The following GABRB1 variants were observed in gnomAD, a reference collection of about 807,000 sequenced individuals.
The protein encoded by GABRB1 is gamma-aminobutyric acid receptor subunit beta-1.
Under a neutral mutation model 51.6 loss-of-function variants are expected in GABRB1, and 17 were observed. That is an observed-to-expected ratio of 0.33 (90% confidence interval 0.23 to 0.49). The LOEUF (loss-of-function observed/expected upper bound fraction) is 0.49. Ranked by LOEUF, GABRB1 falls within the 20% of genes least tolerant of loss-of-function variation. The probability of loss-of-function intolerance (pLI) is 0.99; values close to 1 mark genes in which losing one functional copy is unlikely to be tolerated. For missense variants in GABRB1, 410 were observed against 600.6 expected (o/e 0.68, Z 3.32); for synonymous variants, 247 against 218.9 (o/e 1.13, Z -1.14).
At chr4:47,295,959 T>C (rs949093314) in intron 4 of GABRB1, among the ~76,000 whole-genome samples, 1 of 152,160 alleles carries the variant, frequency 6.6e-6, no homozygotes, top group East Asian at 1.9e-4. Flanking sequence ...ATATTCAACA[T>C]TCTTAAAGAA....
chr4:47,166,928 T>C (rs1046051597), intron 4 of GABRB1, among the ~76,000 whole-genome samples: 1 of 152,120 alleles, frequency 6.6e-6, no homozygotes, highest in African/African-American at 2.4e-5. Flanking sequence ...GAAAACTCTC[T>C]CTCATTTGAT....
chr4:47,261,251 C>G (rs567083687), intron 4 of GABRB1, among the ~76,000 whole-genome samples: 17 of 152,252 alleles, frequency 1.1e-4, no homozygotes, highest in East Asian at 3.9e-4. Flanking sequence ...AAGAGGAAGT[C>G]AAATTGTCCC....
chr4:47,111,676 A>G (rs566613453), intron 3 of GABRB1, among the ~76,000 whole-genome samples: 56 of 152,020 alleles, frequency 3.7e-4, no homozygotes, highest in African/African-American at 1.3e-3. Context: ...CCAGCCTGGG[A>G]AACATGGCAA....
At chr4:47,367,626 C>T (rs762287279) in intron 5 of GABRB1, among the ~76,000 whole-genome samples, 12 of 152,174 alleles carry the variant, frequency 7.9e-5, no homozygotes, top group Non-Finnish European at 1.5e-4. Flanking sequence ...CCTTTGCTGT[C>T]CCGTGTGGCA....
chr4:47,005,952 A>C (rs1272287807), intron 1 of GABRB1, among the ~76,000 whole-genome samples: 1 of 148,494 alleles, frequency 6.7e-6, no homozygotes, highest in Non-Finnish European at 1.5e-5. Context: ...TTTTTTATTT[A>C]CTTAAAAACT....
chr4:47,416,207 T>C (rs547685965), intron 8 of GABRB1, among the ~76,000 whole-genome samples: 5 of 152,054 alleles, frequency 3.3e-5, no homozygotes, highest in Non-Finnish European at 7.4e-5. Flanking sequence ...AAGAGAAACA[T>C]AGCAGGTGAA....
chr4:47,065,896 T>G (rs1354457416), intron 3 of GABRB1, among the ~76,000 whole-genome samples: 1 of 152,252 alleles, frequency 6.6e-6, no homozygotes, highest in Non-Finnish European at 1.5e-5. Context: ...TTTATTTATA[T>G]TTATTAGCAT....
chr4:47,261,873 C>T (rs1722453824), intron 4 of GABRB1, among the ~76,000 whole-genome samples: 1 of 152,086 alleles, frequency 6.6e-6, no homozygotes, highest in Non-Finnish European at 1.5e-5. Flanking sequence ...GAACAGAGCC[C>T]TCAGAAATAA....
intron 3 of GABRB1, among the ~76,000 whole-genome samples, chr4:47,105,991 C>G (rs1202718969): frequency 2.0e-5 from 3 of 152,100 alleles, no homozygotes; most frequent in Non-Finnish European, 4.4e-5. Flanking sequence ...TCACATCTGC[C>G]TCTCATTAGA....
At chr4:47,019,625 C>CTCTCTTTCTTTCTT (rs1274221477) in intron 1 of GABRB1, among the ~76,000 whole-genome samples, 3 of 91,104 alleles carry the variant, frequency 3.3e-5, no homozygotes, top group East Asian at 3.4e-4. Flanking sequence ...TTCTTTCTCT[C>CTCTCTTTCTTTCTT]TCTTTCTTTC....
At chr4:47,278,488 C>T (rs2109903449) in intron 4 of GABRB1, among the ~76,000 whole-genome samples, 1 of 152,204 alleles carries the variant, frequency 6.6e-6, no homozygotes, top group East Asian at 1.9e-4. Context: ...GTTCAGAACT[C>T]CACTTGTTCC....
chr4:47,380,503 G>A (rs115124142), intron 5 of GABRB1, among the ~76,000 whole-genome samples: 4,337 of 152,228 alleles, frequency 0.028, 196 homozygotes, highest in African/African-American at 0.099. Flanking sequence ...CCTTTAATTA[G>A]CACTATGGGA....
chr4:47,167,218 A>G (rs1718228206), intron 4 of GABRB1, among the ~76,000 whole-genome samples: 1 of 152,102 alleles, frequency 6.6e-6, no homozygotes, highest in Non-Finnish European at 1.5e-5. Context: ...CCAAAGAGCA[A>G]TTATCACTAT....
rs1252614679 is a variant in GABRB1, at chr4:47,406,884, G to C, written c.1038G>C (p.Gln346His). 5.6e-6 allele frequency: 9 copies of C among 1,613,986 alleles called. No individual in the cohort carries two copies. In the East Asian group the frequency reaches 8.9e-5, roughly 16 times the overall value. Residue 346 changes from glutamine to histidine, a missense_variant, in exon 8 of 9, where the codon CAG becomes CAC. Physicochemically the swap from Gln to His is conservative, Grantham distance 24. Around this residue, in one of 5 missense-constraint regions of GABRB1, gnomAD observed 181 missense variants for 195.6 expected, o/e 0.93. Coordinates refer to ENST00000295454, the MANE Select transcript of GABRB1 (RefSeq NM_000812.4). ...PQKKGASKQDQSANEKNKLEM... is the reference protein window; with the variant it reads ...PQKKGASKQDHSANEKNKLEM... ...AAAAGGGAGCTAGCAAACAAGACCA[G>C]AGTGCCAATGAGAAGAATAAACTGG...
intron 4 of GABRB1, among the ~76,000 whole-genome samples, chr4:47,270,707 T>C (rs1225661466): frequency 6.6e-6 from 1 of 152,170 alleles, no homozygotes; most frequent in Admixed American, 6.6e-5. Context: ...CTTGGAACAT[T>C]CGGTACTCTT....
chr4:47,372,538 G>C (rs773442989), intron 5 of GABRB1, among the ~76,000 whole-genome samples: 4 of 152,042 alleles, frequency 2.6e-5, no homozygotes, highest in African/African-American at 4.8e-5. Flanking sequence ...AGAAATCTTG[G>C]TCCAATTTAA....
intron 4 of GABRB1, among the ~76,000 whole-genome samples, chr4:47,185,930 T>A (rs561802045): frequency 5.9e-5 from 9 of 151,970 alleles, no homozygotes; most frequent in Admixed American, 3.3e-4. Context: ...CTTTGGAACA[T>A]GGTCCTTCTG....
intron 4 of GABRB1, among the ~76,000 whole-genome samples, chr4:47,168,607 T>A (rs1718306346): frequency 6.6e-6 from 1 of 152,186 alleles, no homozygotes; most frequent in South Asian, 2.1e-4. Flanking sequence ...AGTATACTTC[T>A]ATGAAGGGAC....
intron 4 of GABRB1, among the ~76,000 whole-genome samples, chr4:47,174,359 C>T (rs976184541): frequency 7.4e-4 from 112 of 152,066 alleles, no homozygotes; most frequent in African/African-American, 2.6e-3. Flanking sequence ...CCCACCACAC[C>T]CAGCTTTGCT....
Sources: allele counts gnomAD v4.1 joint callset (sites outside exome capture counted in the v4.1 genomes callset), GRCh38; gene constraint gnomAD v4.1.1; regional missense constraint gnomAD v4.1.1; transcripts MANE v1.5; gene names NCBI Gene and HGNC (gene_info 2026-07-23, HGNC 2026-07-21).